Variants in ATP11C observed in about 807,000 individuals in gnomAD.
ATP11C encodes the protein phospholipid-transporting ATPase IG.
In ATP11C, 36 loss-of-function variants were observed where a neutral mutation model predicts 97.4. The ratio of observed to expected loss-of-function variants is 0.37; its 90% CI spans 0.28 to 0.49. The LOEUF (loss-of-function observed/expected upper bound fraction) is 0.49. Among genes scored for constraint, ATP11C ranks in the 20% least tolerant of loss-of-function variants. The pLI is 0.98. For synonymous variants in ATP11C, 275 were observed against 290.9 expected, an observed-to-expected ratio of 0.95 and a Z score of 0.56; for missense variants, 730 against 824.6, an observed-to-expected ratio of 0.89 and a Z score of 1.40.
chrX:139,798,386 G>T, intron 9 of ATP11C, 32 bp from the exon 10 acceptor site: 1 of 1,090,683 alleles, frequency 9.2e-7, no homozygotes, highest in Non-Finnish European at 1.3e-6. Context: ...TAAAAACTAA[G>T]AACTTGTCAA....
chrX:139,804,359 CTAAGAAAAAATAAAAA>C (rs940675758), intron 6 of ATP11C, 96 bp downstream of exon 6: 7 of 603,858 alleles, frequency 1.2e-5, no homozygotes, highest in African/African-American at 2.4e-5. Context: ...AATATAAAAC[CTAAGAAAAAATAAAAA>C]TAAGAAAAAA....
chrX:139,797,053 C>A, intron 11 of ATP11C, 123 bp downstream of exon 11: 4 of 530,201 alleles, frequency 7.5e-6, no homozygotes, highest in East Asian at 7.7e-5. Flanking sequence ...TGGCTTAGAG[C>A]CACCATGTAA....
At chrX:139,778,395 T>C in intron 18 of ATP11C, among the ~76,000 whole-genome samples, 1 of 111,675 alleles carries the variant, frequency 9.0e-6, no homozygotes, top group Non-Finnish European at 1.9e-5. Flanking sequence ...TATAAAGCAA[T>C]TATATACTTG....
chrX:139,919,276 T>C (rs1948682736), intron 1 of ATP11C, among the ~76,000 whole-genome samples: 1 of 108,597 alleles, frequency 9.2e-6, no homozygotes, highest in African/African-American at 3.4e-5. Flanking sequence ...GTAGTGGCTC[T>C]CACCTATAAT....
At chrX:139,802,722 A>G (rs912793785) in intron 6 of ATP11C, among the ~76,000 whole-genome samples, 1 of 111,805 alleles carries the variant, frequency 8.9e-6, no homozygotes, top group Admixed American at 9.5e-5. Flanking sequence ...GTGTATGGCA[A>G]TGGAGATATA....
At chrX:139,768,206 A>C in intron 20 of ATP11C, 54 bp downstream of exon 20, 16 of 865,716 alleles carry the variant, frequency 1.8e-5, no homozygotes, top group Non-Finnish European at 2.3e-5. Flanking sequence ...AAACATTTGC[A>C]CATATATGTA....
upstream of ATP11C, among the ~76,000 whole-genome samples, chrX:139,935,207 T>G (rs999917863): frequency 8.9e-6 from 1 of 112,014 alleles, no homozygotes; most frequent in African/African-American, 3.2e-5. Flanking sequence ...TGCATTATGC[T>G]CTCATACATA....
chrX:139,860,310 A>G (rs1030449776), intron 1 of ATP11C, among the ~76,000 whole-genome samples: 7 of 111,369 alleles, frequency 6.3e-5, no homozygotes, highest in Non-Finnish European at 1.3e-4. Context: ...GCAACTTACC[A>G]ATGAATTATT....
At chrX:139,879,985 T>C (rs992522351) in intron 1 of ATP11C, among the ~76,000 whole-genome samples, 4 of 111,406 alleles carry the variant, frequency 3.6e-5, no homozygotes, top group African/African-American at 1.3e-4. Context: ...TTCAAGTATG[T>C]GTGCCTTGTA....
At chrX:139,917,545 A>G (rs1487483455) in intron 1 of ATP11C, among the ~76,000 whole-genome samples, 1 of 112,253 alleles carries the variant, frequency 8.9e-6, no homozygotes, top group Non-Finnish European at 1.9e-5. Flanking sequence ...TTAGGTAGAC[A>G]TTTCTCAAAA....
At chrX:139,931,994 G>A (rs1238281700) in intron 1 of ATP11C, 22 bp downstream of exon 1, 2 of 1,159,126 alleles carry the variant, frequency 1.7e-6, no homozygotes, top group South Asian at 1.9e-5. Context: ...GGCACGCGCG[G>A]AGCCGCAGCG....
chrX:139,839,548 A>G (rs2083797091), intron 1 of ATP11C, among the ~76,000 whole-genome samples: 1 of 111,035 alleles, frequency 9.0e-6, no homozygotes, highest in Non-Finnish European at 1.9e-5. Context: ...CTTGCCTTCA[A>G]GGAGCTTAGA....
At chrX:139,831,789 G>C (rs1332574141) in intron 1 of ATP11C, among the ~76,000 whole-genome samples, 1 of 111,217 alleles carries the variant, frequency 9.0e-6, no homozygotes, top group African/African-American at 3.3e-5. Context: ...GTGTTCCTTT[G>C]GGGTCTCAGC....
At chrX:139,877,367 C>A (rs779310868) in intron 1 of ATP11C, among the ~76,000 whole-genome samples, 33 of 112,356 alleles carry the variant, frequency 2.9e-4, no homozygotes, top group African/African-American at 9.1e-4. Context: ...GCACAAAACA[C>A]ATCATTTATA....
chrX:139,769,326 A>ATATATT (rs2082208344), intron 19 of ATP11C, among the ~76,000 whole-genome samples: 5 of 67,021 alleles, frequency 7.5e-5, no homozygotes, highest in African/African-American at 2.8e-4. Context: ...ATATATATAT[A>ATATATT]TTCTTTAAAT....
chrX:139,770,988 C>T (rs1035269695), intron 19 of ATP11C, among the ~76,000 whole-genome samples: 17 of 111,761 alleles, frequency 1.5e-4, no homozygotes, highest in African/African-American at 5.5e-4. Flanking sequence ...CAAGATTCAT[C>T]TGTTGAAGCT....
At chrX:139,866,163 G>A (rs1018523606) in intron 1 of ATP11C, among the ~76,000 whole-genome samples, 8 of 109,077 alleles carry the variant, frequency 7.3e-5, no homozygotes, top group Non-Finnish European at 1.5e-4. Context: ...GACCAACATA[G>A]TGAAACCCTG....
chrX:139,810,457 A>G (rs746753747), intron 5 of ATP11C, among the ~76,000 whole-genome samples: 7 of 112,108 alleles, frequency 6.2e-5, no homozygotes, highest in Non-Finnish European at 1.1e-4. Flanking sequence ...CTCCATCTCA[A>G]AACAAAATAA....
At chrX:139,893,392 A>C (rs1443830550) in intron 1 of ATP11C, among the ~76,000 whole-genome samples, 2 of 111,874 alleles carry the variant, frequency 1.8e-5, no homozygotes, top group Non-Finnish European at 3.8e-5. Flanking sequence ...TCTATGGCCC[A>C]TAGGTATTAC....
Sources: gnomAD v4.1 joint callset for allele counts (sites outside exome capture counted in the v4.1 genomes callset) on GRCh38, gnomAD v4.1.1 for gene constraint, MANE v1.5 for transcripts, NCBI Gene and HGNC (gene_info 2026-07-23, HGNC 2026-07-21) for gene names.